Variants in KIF16B observed in about 807,000 individuals in gnomAD.
KIF16B encodes kinesin family member 16B, also known as kinesin-like protein KIF16B.
Under a neutral mutation model 156.3 loss-of-function variants are expected in KIF16B, and 98 were observed. The observed-to-expected ratio is 0.63, with a 90% confidence interval of 0.53 to 0.74. The LOEUF (loss-of-function observed/expected upper bound fraction) is 0.74. Among genes scored for constraint, KIF16B ranks in the 30% least tolerant of loss-of-function variants. KIF16B has a pLI of 0.00. For synonymous variants in KIF16B, 564 were observed against 583.7 expected (o/e 0.97, Z 0.49); for missense variants, 1,421 against 1,606.5 (o/e 0.88, Z 1.97).
intron 23 of KIF16B, 117 bp downstream of exon 23, chr20:16,356,213 A>G: frequency 7.5e-7 from 1 of 1,339,386 alleles, no homozygotes; most frequent in Non-Finnish European, 1.0e-6. Context: ...AAGACCAAAT[A>G]TTTTACAAAC....
At chr20:16,472,190 G>A (rs1207387079) in intron 12 of KIF16B, among the ~76,000 whole-genome samples, 1 of 152,134 alleles carries the variant, frequency 6.6e-6, no homozygotes, top group Non-Finnish European at 1.5e-5. Flanking sequence ...ATATGCTTTC[G>A]TTCCACCTCC....
intron 1 of KIF16B, among the ~76,000 whole-genome samples, chr20:16,532,603 C>G (rs2147179729): frequency 6.6e-6 from 1 of 152,306 alleles, no homozygotes; most frequent in Admixed American, 6.5e-5. Context: ...GAGAACAAAC[C>G]ACCTGGGTTT....
chr20:16,511,651 G>A (rs2068959649), intron 5 of KIF16B, 124 bp from the exon 6 acceptor site: 1 of 611,480 alleles, frequency 1.6e-6, no homozygotes, highest in South Asian at 2.1e-5. Context: ...TTTATGAGTG[G>A]TGACTGTGTA....
Position 16,564,125 on chromosome 20 carries a change from G to T in KIF16B, c.47+9104C>A, listed in dbSNP as rs922993624. 8.5e-5 allele frequency among the ~76,000 whole-genome samples: 13 copies of T among 152,282 alleles called. No homozygotes were observed. In the East Asian group the frequency reaches 2.5e-3, roughly 29 times the overall value. On this transcript the variant is annotated intron_variant, in intron 1 of 25. Transcript: ENST00000354981. ...CTGGGTTTGTCATGTCCAGGTAAGG[G>T]CTGGGATCCAGGGATGCAGACCAGG...
chr20:16,398,769 A>G (rs1024730034), intron 17 of KIF16B, among the ~76,000 whole-genome samples: 5 of 152,144 alleles, frequency 3.3e-5, no homozygotes, highest in African/African-American at 1.2e-4. Flanking sequence ...AAAATTCCCA[A>G]GGGATAGAGT....
At chr20:16,278,152 T>G (rs1454896331) in intron 25 of KIF16B, among the ~76,000 whole-genome samples, 1 of 149,268 alleles carries the variant, frequency 6.7e-6, no homozygotes, top group South Asian at 2.2e-4. Context: ...TGACAGTGAG[T>G]GATCATGGGA....
At chr20:16,442,061 A>G (rs6111123) in intron 12 of KIF16B, among the ~76,000 whole-genome samples, 8,489 of 152,210 alleles carry the variant, frequency 0.056, 785 homozygotes, top group African/African-American at 0.19. Flanking sequence ...GCCAACATCT[A>G]AAGTGAACTC....
At chr20:16,398,364 G>A (rs1469873781) in intron 17 of KIF16B, among the ~76,000 whole-genome samples, 2 of 152,186 alleles carry the variant, frequency 1.3e-5, no homozygotes, top group Non-Finnish European at 1.5e-5. Flanking sequence ...TCACCACCTG[G>A]TAGGTACTGA....
intron 23 of KIF16B, among the ~76,000 whole-genome samples, chr20:16,351,612 C>T (rs548561852): frequency 6.6e-6 from 1 of 152,334 alleles, no homozygotes; most frequent in East Asian, 1.9e-4. Context: ...ACGTGCTGTT[C>T]TCAGAGAGAA....
rs145135582 is a variant in KIF16B at position 16,562,413 on chromosome 20, CCGTCACCCCTCA to C, written c.47+10804_47+10815del. ...TTTACCCAGGCTCTTGCTCAGCCCTCCGTCACCCCTCACGTCTTCCTAATACCCAATAGGAGG... is the reference window on the plus strand; with the variant it reads ...TTTACCCAGGCTCTTGCTCAGCCCTCCGTCTTCCTAATACCCAATAGGAGG... On this transcript the variant is annotated intron_variant, in intron 1 of 25. Transcript: ENST00000354981. 9.1e-3 allele frequency among the ~76,000 whole-genome samples: 1,389 copies of C among 152,282 alleles called. 16 individuals carry two copies. The highest frequency in any genetic ancestry group is 0.032 in the African/African-American group (1,331 of 41,548).
intron 23 of KIF16B, among the ~76,000 whole-genome samples, chr20:16,338,001 C>G (rs75589066): frequency 0.013 from 1,907 of 152,280 alleles, 15 homozygotes; most frequent in Middle Eastern, 0.02. Context: ...AAGCCACCTC[C>G]AAAAGCCTAG....
chr20:16,509,111 T>C (rs8126414), intron 6 of KIF16B, among the ~76,000 whole-genome samples: 36,208 of 152,138 alleles, frequency 0.24, 4,945 homozygotes, highest in East Asian at 0.36. Flanking sequence ...CATTAGTTTG[T>C]ACCCTGCTTT....
chr20:16,355,205 C>A (rs1471512180), intron 23 of KIF16B, among the ~76,000 whole-genome samples: 1 of 152,148 alleles, frequency 6.6e-6, no homozygotes, highest in Non-Finnish European at 1.5e-5. Context: ...GGGGTGGGGA[C>A]AGGCAGGGGA....
intron 17 of KIF16B, among the ~76,000 whole-genome samples, chr20:16,390,694 C>G (rs961323196): frequency 1.3e-5 from 2 of 152,296 alleles, no homozygotes; most frequent in East Asian, 3.9e-4. Flanking sequence ...AGGAGCCTCT[C>G]AAAAGTTAAA....
intron 12 of KIF16B, among the ~76,000 whole-genome samples, chr20:16,490,092 T>C (rs187557999): frequency 6.6e-6 from 1 of 152,320 alleles, no homozygotes; most frequent in Non-Finnish European, 1.5e-5. Flanking sequence ...GCTGTTGTTA[T>C]AGGCTGGATT....
chr20:16,357,263 A>C (rs1034370315), intron 22 of KIF16B, among the ~76,000 whole-genome samples: 1 of 152,356 alleles, frequency 6.6e-6, no homozygotes, highest in Admixed American at 6.5e-5. Context: ...TTATATGCCA[A>C]GGACTACATT....
Position 16,426,201 on chromosome 20 carries a change from G to A in KIF16B, c.1612+903C>T, listed in dbSNP as rs1227467492. Among the ~76,000 whole-genome samples the A allele has an allele frequency of 2.6e-5, 4 of 152,132 alleles. No homozygotes were observed. In the East Asian group the frequency reaches 7.7e-4, roughly 29 times the overall value. ...GATGAATCCTACATTTATGTAGAGG[G>A]ACATTCTACAACATATCTGACCTAC... On this transcript the variant is annotated intron_variant, in intron 15 of 25. Transcript: ENST00000354981.
At chr20:16,282,806 G>A (rs568248153) in intron 25 of KIF16B, among the ~76,000 whole-genome samples, 6 of 152,290 alleles carry the variant, frequency 3.9e-5, no homozygotes, top group Middle Eastern at 6.8e-3. Context: ...GGCACTGTGC[G>A]CTGGTGGTGG....
chr20:16,282,620 C>T (rs1483167404), intron 25 of KIF16B, among the ~76,000 whole-genome samples: 16 of 151,992 alleles, frequency 1.1e-4, no homozygotes, highest in African/African-American at 3.4e-4. Flanking sequence ...GAAGCAGGTA[C>T]CAAGCCTAGC....
Sources: gnomAD v4.1 joint callset for allele counts (sites outside exome capture counted in the v4.1 genomes callset) on GRCh38, gnomAD v4.1.1 for gene constraint, MANE v1.5 for transcripts, NCBI Gene and HGNC (gene_info 2026-07-23, HGNC 2026-07-21) for gene names.